Variants in PDCD10 observed in about 807,000 individuals in gnomAD.
PDCD10 encodes programmed cell death protein 10.
In PDCD10, 4 loss-of-function variants were observed where a neutral mutation model predicts 29.2. That is an observed-to-expected ratio of 0.14 (90% CI 0.07 to 0.31). PDCD10 has a LOEUF of 0.31. PDCD10 is among the 10% of genes least tolerant of loss of function. The pLI, the probability that PDCD10 is intolerant of heterozygous loss-of-function variation, is 1.00. For missense variants in PDCD10, 183 were observed against 257.9 expected, an observed-to-expected ratio of 0.71 and a Z score of 1.99; for synonymous variants, 70 against 82.2, an observed-to-expected ratio of 0.85 and a Z score of 0.80.
rs148259392 is a variant in PDCD10 at position 167,712,068 on chromosome 3, G to C, written c.97-7173C>G. Among the ~76,000 whole-genome samples, 6 of 152,252 alleles carry C rather than the reference G, an allele frequency of 3.9e-5. No individual in the cohort carries two copies. In the East Asian group the frequency reaches 1.2e-3, roughly 29 times the overall value. ...AGGAGCAATAAAAAATCTTCTGAAA[G>C]TACAAAACTCACTGGTAATAGTAAA... is the stretch of plus-strand genomic sequence containing the variant. On this transcript the variant is annotated intron_variant, in intron 3 of 8. Transcript: ENST00000392750.
chr3:167,685,967 A>G (rs1719578839), intron 8 of PDCD10, among the ~76,000 whole-genome samples: 3 of 152,190 alleles, frequency 2.0e-5, no homozygotes, highest in Admixed American at 6.5e-5. Flanking sequence ...ACTGTTAAAA[A>G]TGACTCTGAA....
intron 4 of PDCD10, among the ~76,000 whole-genome samples, chr3:167,700,441 C>T (rs185916103): frequency 5.3e-5 from 8 of 151,014 alleles, no homozygotes; most frequent in Non-Finnish European, 8.8e-5. Context: ...AGGTGTATTG[C>T]ATGATACTGA....
chr3:167,710,041 T>A (rs1285394810), intron 3 of PDCD10, among the ~76,000 whole-genome samples: 1 of 152,108 alleles, frequency 6.6e-6, no homozygotes, highest in Non-Finnish European at 1.5e-5. Context: ...ATTCATCGCC[T>A]GCTGACTAAA....
At chr3:167,710,341 G>T (rs1471144438) in intron 3 of PDCD10, among the ~76,000 whole-genome samples, 1 of 152,192 alleles carries the variant, frequency 6.6e-6, no homozygotes, top group East Asian at 1.9e-4. Flanking sequence ...GTCCTGAAGA[G>T]TGAAGCTCAG....
chr3:167,701,509 T>C (rs1394327967), intron 4 of PDCD10, among the ~76,000 whole-genome samples: 1 of 152,176 alleles, frequency 6.6e-6, no homozygotes, highest in Non-Finnish European at 1.5e-5. Context: ...TTATTATTGT[T>C]GTTCAAAAAA....
intron 2 of PDCD10, 109 bp from the exon 3 acceptor site, chr3:167,720,382 T>A: frequency 2.0e-6 from 1 of 500,676 alleles, no homozygotes; most frequent in Non-Finnish European, 3.6e-6. Context: ...GAAAAGCTAT[T>A]TTTTAATATA....
chr3:167,720,316 G>A (rs1440985464), intron 2 of PDCD10, 43 bp from the exon 3 acceptor site: 3 of 601,866 alleles, frequency 5.0e-6, no homozygotes, highest in Non-Finnish European at 8.9e-6. Flanking sequence ...CTATATTAAG[G>A]AGAAACGACA....
At position 167,687,239 on chromosome 3, in the gene PDCD10, A is replaced by G. The variant is rs1719724036; in HGVS notation, c.552T>C (p.Asp184=). Residue 184 remains aspartate (D), a synonymous_variant, in exon 8 of 9, where the codon GAT becomes GAC. Coordinates refer to ENST00000392750, the MANE Select transcript of PDCD10 (RefSeq NM_007217.4). ...GGATAAATTACAGTACTTACTTGCC[A>G]TCTTTAAAATACGTTTTCAGAGTAT... ...FSDTLKTYFK[D]GKAINVFVSA... The G allele has an allele frequency of 1.3e-6, 2 of 1,482,406 alleles. No individual in the cohort carries two copies. Among genetic ancestry groups the G allele is most frequent in the Non-Finnish European group, 1.9e-6 (2 of 1,060,932 alleles). 91.8% of individuals were successfully genotyped at this position (1,482,406 alleles called of 1,614,324 possible).
chr3:167,733,813 A>G, intron 2 of PDCD10, among the ~76,000 whole-genome samples: 1 of 152,170 alleles, frequency 6.6e-6, no homozygotes, highest in East Asian at 1.9e-4. Flanking sequence ...CTCCCATCCT[A>G]TTACCTACCC....
chr3:167,702,121 A>C lies in PDCD10; in HGVS notation c.150+2721T>G, dbSNP rs1357126573. On this transcript the variant is annotated intron_variant, in intron 4 of 8. Coordinates refer to ENST00000392750, the MANE Select transcript of PDCD10 (RefSeq NM_007217.4). Reference sequence around the variant, plus strand: ...ATGTTGGAAGATTGGTACTGTACAGAAACATTTTTAGAGAAATGACAAAGC... The same window carrying C: ...ATGTTGGAAGATTGGTACTGTACAGCAACATTTTTAGAGAAATGACAAAGC... Among the ~76,000 whole-genome samples, 4 of 152,192 alleles carry C rather than the reference A, an allele frequency of 2.6e-5. No individual in the cohort carries two copies. In the South Asian group the frequency reaches 8.3e-4, roughly 32 times the overall value.
chr3:167,717,282 T>C (rs1407337201), intron 3 of PDCD10, among the ~76,000 whole-genome samples: 1 of 151,998 alleles, frequency 6.6e-6, no homozygotes, highest in African/African-American at 2.4e-5. Flanking sequence ...TAGAAATCCT[T>C]TAAAAGATGA....
At chr3:167,711,302 C>G (rs1722496803) in intron 3 of PDCD10, among the ~76,000 whole-genome samples, 1 of 152,110 alleles carries the variant, frequency 6.6e-6, no homozygotes, top group South Asian at 2.1e-4. Context: ...ATTCAGAATC[C>G]TATCCGACAA....
intron 4 of PDCD10, among the ~76,000 whole-genome samples, chr3:167,703,500 T>G (rs1459712736): frequency 3.9e-5 from 6 of 152,028 alleles, no homozygotes; most frequent in Non-Finnish European, 8.8e-5. Flanking sequence ...TAAACTTGTG[T>G]GACATGGAAG....
chr3:167,720,740 T>C (rs1002852700), intron 2 of PDCD10, among the ~76,000 whole-genome samples: 1 of 152,156 alleles, frequency 6.6e-6, no homozygotes, highest in Admixed American at 6.6e-5. Flanking sequence ...AACATTTTTA[T>C]TAAAACCTTT....
chr3:167,717,297 T>G (rs1470760765), intron 3 of PDCD10, among the ~76,000 whole-genome samples: 1 of 152,040 alleles, frequency 6.6e-6, no homozygotes, highest in African/African-American at 2.4e-5. Flanking sequence ...AGATGATTAC[T>G]AGACTACCAT....
chr3:167,690,053 AG>A (rs1318679240), intron 6 of PDCD10, among the ~76,000 whole-genome samples: 3 of 152,230 alleles, frequency 2.0e-5, no homozygotes, highest in African/African-American at 7.2e-5. Context: ...TAAAGAACTG[AG>A]AAAAAACTTG....
intron 3 of PDCD10, among the ~76,000 whole-genome samples, chr3:167,713,305 A>G (rs1393405578): frequency 6.6e-6 from 1 of 152,068 alleles, no homozygotes; most frequent in Non-Finnish European, 1.5e-5. Flanking sequence ...TACAAACACA[A>G]GGAAATTAAA....
At chr3:167,698,752 A>G (rs1038450337) in intron 4 of PDCD10, among the ~76,000 whole-genome samples, 1 of 150,460 alleles carries the variant, frequency 6.6e-6, no homozygotes. Context: ...AACATTCTCT[A>G]TGTGCTTGCA....
At chr3:167,690,162 A>C (rs533970314) in intron 6 of PDCD10, among the ~76,000 whole-genome samples, 1 of 152,366 alleles carries the variant, frequency 6.6e-6, no homozygotes, top group African/African-American at 2.4e-5. Context: ...GAAGGAACTT[A>C]GCAATTTGCA....
Sources: allele counts gnomAD v4.1 joint callset (sites outside exome capture counted in the v4.1 genomes callset), GRCh38; gene constraint gnomAD v4.1.1; transcripts MANE v1.5; gene names NCBI Gene and HGNC (gene_info 2026-07-23, HGNC 2026-07-21).